The following IMMP2L variants were observed in gnomAD, a reference collection of about 807,000 sequenced individuals.
IMMP2L encodes mitochondrial inner membrane protease subunit 2.
In IMMP2L, 18 loss-of-function variants were observed where a neutral mutation model predicts 19.3. The ratio of observed to expected loss-of-function variants is 0.93; its 90% confidence interval spans 0.64 to 1.38. The LOEUF (loss-of-function observed/expected upper bound fraction) is 1.38, where lower values mean the gene tolerates loss of function less well. Ranked by LOEUF, IMMP2L falls within the 40% of genes most tolerant of loss-of-function variation. IMMP2L has a pLI of 0.00. For synonymous variants in IMMP2L, 76 were observed against 73.0 expected, an observed-to-expected ratio of 1.04 and a Z score of -0.21; for missense variants, 233 against 218.2, an observed-to-expected ratio of 1.07 and a Z score of -0.43.
intron 3 of IMMP2L, among the ~76,000 whole-genome samples, chr7:111,074,055 T>C (rs965777314): frequency 6.6e-6 from 1 of 152,220 alleles, no homozygotes; most frequent in African/African-American, 2.4e-5. Flanking sequence ...TGCTGGACTC[T>C]GCTTTGTTAC....
chr7:110,799,882 C>G (rs1243643389), intron 5 of IMMP2L, among the ~76,000 whole-genome samples: 1 of 152,018 alleles, frequency 6.6e-6, no homozygotes, highest in East Asian at 1.9e-4. Context: ...ACCAGCTTTG[C>G]AGTGATGTAG....
At chr7:111,224,053 T>C (rs926525751) in intron 3 of IMMP2L, among the ~76,000 whole-genome samples, 2 of 152,142 alleles carry the variant, frequency 1.3e-5, no homozygotes, top group African/African-American at 2.4e-5. Context: ...ATCTCAATTC[T>C]GTTCTGCCAC....
At chr7:111,532,125 T>G (rs1023439873) in intron 1 of IMMP2L, among the ~76,000 whole-genome samples, 1 of 152,032 alleles carries the variant, frequency 6.6e-6, no homozygotes. Context: ...TACAAAATAT[T>G]AGAAAGTGGG....
chr7:110,872,830 A>C (rs1413187515), intron 5 of IMMP2L, among the ~76,000 whole-genome samples: 1 of 152,196 alleles, frequency 6.6e-6, no homozygotes, highest in Non-Finnish European at 1.5e-5. Context: ...CTGAAACTGA[A>C]ATATGCAGCA....
chr7:111,017,122 C>T (rs1825788901), intron 3 of IMMP2L, among the ~76,000 whole-genome samples: 1 of 149,332 alleles, frequency 6.7e-6, no homozygotes, highest in Non-Finnish European at 1.5e-5. Flanking sequence ...TGCTGGAGTG[C>T]AGTGCTGTGA....
chr7:111,446,271 A>C (rs958012125), intron 3 of IMMP2L, among the ~76,000 whole-genome samples: 7 of 151,074 alleles, frequency 4.6e-5, no homozygotes, highest in African/African-American at 1.7e-4. Context: ...GACAAACAAA[A>C]AGACAGCAGT....
chr7:110,920,646 G>A (rs1381972558), intron 4 of IMMP2L, among the ~76,000 whole-genome samples: 1 of 152,076 alleles, frequency 6.6e-6, no homozygotes, highest in Non-Finnish European at 1.5e-5. Context: ...ATATTTATGT[G>A]CTTTACCAAG....
chr7:111,188,007 T>G (rs965666288), intron 3 of IMMP2L, among the ~76,000 whole-genome samples: 3 of 152,042 alleles, frequency 2.0e-5, no homozygotes, highest in Admixed American at 1.3e-4. Flanking sequence ...CCAAGTTGAT[T>G]TGGGATATGT....
intron 3 of IMMP2L, among the ~76,000 whole-genome samples, chr7:111,317,282 C>T (rs1824213579): frequency 6.6e-6 from 1 of 152,084 alleles, no homozygotes; most frequent in African/African-American, 2.4e-5. Flanking sequence ...ACACAAAGTT[C>T]AACAACATCT....
At chr7:111,489,168 C>T (rs887597173) in intron 2 of IMMP2L, among the ~76,000 whole-genome samples, 4 of 151,434 alleles carry the variant, frequency 2.6e-5, no homozygotes, top group Admixed American at 1.3e-4. Context: ...CTCAGCCTCC[C>T]GAGTAGCTGG....
chr7:111,211,869 C>T (rs111740472), intron 3 of IMMP2L, among the ~76,000 whole-genome samples: 6,501 of 152,070 alleles, frequency 0.043, 202 homozygotes, highest in South Asian at 0.083. Context: ...TCGTGGCAGG[C>T]GCCTGTAGTC....
intron 3 of IMMP2L, among the ~76,000 whole-genome samples, chr7:111,167,590 GTTTCCCT>G (rs1805967274): frequency 6.6e-6 from 1 of 151,876 alleles, no homozygotes; most frequent in Admixed American, 6.6e-5. Flanking sequence ...GATTGTTGCA[GTTTCCCT>G]TACCTTTAGT....
chr7:110,907,184 C>A (rs960813343), intron 4 of IMMP2L, among the ~76,000 whole-genome samples: 1 of 152,138 alleles, frequency 6.6e-6, no homozygotes, highest in African/African-American at 2.4e-5. Flanking sequence ...GTCAGTGTGA[C>A]AGCCTTTTGC....
At chr7:110,668,360 G>C (rs1791602602) in intron 5 of IMMP2L, among the ~76,000 whole-genome samples, 1 of 152,120 alleles carries the variant, frequency 6.6e-6, no homozygotes, top group African/African-American at 2.4e-5. Flanking sequence ...GTTCTTATCT[G>C]AGCTCAGCAG....
At chr7:111,144,376 T>C (rs1343556731) in intron 3 of IMMP2L, among the ~76,000 whole-genome samples, 7 of 152,146 alleles carry the variant, frequency 4.6e-5, no homozygotes, top group Non-Finnish European at 1.0e-4. Flanking sequence ...ATTTCTGCCC[T>C]TGTGGATCTT....
At position 110,877,505 on chromosome 7, in the gene IMMP2L, C is replaced by A. The variant is rs1416103520; in HGVS notation, c.408+9088G>T. On this transcript the variant is annotated intron_variant, in intron 5 of 5. Coordinates refer to ENST00000405709, the MANE Select transcript of IMMP2L (RefSeq NM_032549.4). This position sits in a 1 kb window ranked among gnomAD's most constrained non-coding sequence, Gnocchi z 4.0. ...AGGGAGAAAAAAATGACAGCCTGTG[C>A]CAAAATACAAAAATGCAAAACCAAA... Among the ~76,000 whole-genome samples, 1 of 151,958 alleles carries A rather than the reference C, an allele frequency of 6.6e-6. No individual in the cohort carries two copies. The highest frequency in any genetic ancestry group is 2.4e-5 in the African/African-American group (1 of 41,372).
At chr7:110,989,150 G>A (rs899109102) in intron 3 of IMMP2L, among the ~76,000 whole-genome samples, 2 of 152,098 alleles carry the variant, frequency 1.3e-5, no homozygotes, top group East Asian at 1.9e-4. Flanking sequence ...CAGGAGAATC[G>A]CTTGAAACTG....
intron 3 of IMMP2L, among the ~76,000 whole-genome samples, chr7:111,340,087 G>A (rs1826860747): frequency 6.6e-6 from 1 of 151,546 alleles, no homozygotes; most frequent in Non-Finnish European, 1.5e-5. Flanking sequence ...TAGTACATGT[G>A]GAAAAAATAG....
chr7:111,118,073 C>A (rs907780945), intron 3 of IMMP2L, among the ~76,000 whole-genome samples: 1 of 152,098 alleles, frequency 6.6e-6, no homozygotes, highest in Non-Finnish European at 1.5e-5. Flanking sequence ...TTTGGAGGAA[C>A]AGAATTAAGC....
Sources: allele counts gnomAD v4.1 joint callset (sites outside exome capture counted in the v4.1 genomes callset), GRCh38; gene constraint gnomAD v4.1.1; non-coding constraint Gnocchi (gnomAD v3.1); transcripts MANE v1.5; gene names NCBI Gene and HGNC (gene_info 2026-07-23, HGNC 2026-07-21).